The following CEP164 variants were observed in gnomAD, a reference collection of about 807,000 sequenced individuals.
The protein encoded by CEP164 is centrosomal protein of 164 kDa.
Under a neutral mutation model 182.7 loss-of-function variants are expected in CEP164, and 162 were observed. The observed-to-expected ratio is 0.89, with a 90% CI of 0.78 to 1.01. The LOEUF (loss-of-function observed/expected upper bound fraction) is 1.01, where lower values mean the gene tolerates loss of function less well. Among genes scored for constraint, CEP164 ranks in the 50% least tolerant of loss-of-function variants. CEP164 has a pLI of 0.00. For missense variants in CEP164, 1,735 were observed against 1,790.4 expected, an observed-to-expected ratio of 0.97 and a Z score of 0.56; for synonymous variants, 661 against 690.0, an observed-to-expected ratio of 0.96 and a Z score of 0.66.
intron 10 of CEP164, among the ~76,000 whole-genome samples, chr11:117,374,143 G>C (rs989745312): frequency 6.6e-6 from 1 of 152,114 alleles, no homozygotes; most frequent in Non-Finnish European, 1.5e-5. Context: ...TGAGTTGCCT[G>C]TGTGATCATG....
chr11:117,331,981 A>AATATGT (rs2036284250), intron 1 of CEP164, among the ~76,000 whole-genome samples: 1 of 142,286 alleles, frequency 7.0e-6, no homozygotes, highest in African/African-American at 2.6e-5. Flanking sequence ...ATGCCTGGCT[A>AATATGT]ATATATATAT....
chr11:117,350,061 C>T (rs1157244561), intron 4 of CEP164, among the ~76,000 whole-genome samples: 3 of 152,178 alleles, frequency 2.0e-5, no homozygotes, highest in Non-Finnish European at 2.9e-5. Flanking sequence ...GCATGAGCCA[C>T]CATGCCCGGC....
chr11:117,322,315 C>T (rs2035273162), intron 1 of CEP164, among the ~76,000 whole-genome samples: 1 of 152,044 alleles, frequency 6.6e-6, no homozygotes, highest in Non-Finnish European at 1.5e-5. Context: ...TGGGGTTTCA[C>T]CATGTTAGCC....
chr11:117,368,058 A>G (rs1324280111), intron 8 of CEP164, among the ~76,000 whole-genome samples: 1 of 152,240 alleles, frequency 6.6e-6, no homozygotes, highest in East Asian at 1.9e-4. Flanking sequence ...AGTTTGGTCA[A>G]CAAACCTTTA....
At position 117,409,001 on chromosome 11, in the gene CEP164, C is replaced by T. The variant is rs1463780469; in HGVS notation, c.3721C>T (p.His1241Tyr). ...AAGTTCTGAATCTTTTTCCCCGCCT[C>T]ACCGTGAGTGGTGGCGGCAGCAGAG... is the stretch of plus-strand genomic sequence containing the variant. ...SESSESFSPP[H>Y]REWWRQQRID... The change falls in exon 29 of 33, where the codon CAC (histidine) becomes TAC (tyrosine). Residue 1241 changes from histidine to tyrosine, a missense_variant. His to Tyr is a moderately conservative substitution (Grantham distance 83, BLOSUM62 2). Coordinates refer to ENST00000278935, the MANE Select transcript of CEP164 (RefSeq NM_014956.5). This position sits in a 1 kb window ranked among gnomAD's most constrained non-coding sequence, Gnocchi z 4.4. 1 of 1,614,064 alleles carries T rather than the reference C, an allele frequency of 6.2e-7. No individual in the cohort carries two copies.
At chr11:117,345,447 T>G (rs967889356) in intron 4 of CEP164, among the ~76,000 whole-genome samples, 5 of 152,198 alleles carry the variant, frequency 3.3e-5, no homozygotes, top group African/African-American at 1.2e-4. Context: ...GCCATGAATT[T>G]ACTTCCTACC....
intron 27 of CEP164, among the ~76,000 whole-genome samples, chr11:117,401,348 T>C (rs753998674): frequency 2.6e-5 from 4 of 152,230 alleles, no homozygotes; most frequent in African/African-American, 9.6e-5. Flanking sequence ...GACTTGATTG[T>C]GGTGGATAAG....
chr11:117,405,745 A>C (rs1298692372), intron 27 of CEP164, among the ~76,000 whole-genome samples: 1 of 152,164 alleles, frequency 6.6e-6, no homozygotes, highest in South Asian at 2.1e-4. Flanking sequence ...CTGCTTAGAA[A>C]TTTCTTCTGC....
At position 117,411,720 on chromosome 11, in the gene CEP164, T is replaced by C; in HGVS notation, c.4164-75T>C. On this transcript the variant is annotated intron_variant, in intron 31 of 32. Coordinates refer to ENST00000278935, the MANE Select transcript of CEP164 (RefSeq NM_014956.5). This position sits in a 1 kb window ranked among gnomAD's most constrained non-coding sequence, Gnocchi z 4.4. ...AGAAAGAGGGAGGAGGTGACAGATG[T>C]GATGGCCTCTGTGCATCCTCTGTCA... The C allele has an allele frequency of 6.3e-7, 1 of 1,582,058 alleles. No individual in the cohort carries two copies. Among genetic ancestry groups the C allele is most frequent in the Non-Finnish European group, 8.6e-7 (1 of 1,159,344 alleles).
chr11:117,356,092 G>A, intron 5 of CEP164: 3 of 1,071,742 alleles, frequency 2.8e-6, no homozygotes, highest in Non-Finnish European at 1.1e-6. Context: ...GGAACCTGCA[G>A]AGCTCACGGG....
chr11:117,404,725 T>C (rs1424642358), intron 27 of CEP164, among the ~76,000 whole-genome samples: 1 of 152,208 alleles, frequency 6.6e-6, no homozygotes, highest in Non-Finnish European at 1.5e-5. Flanking sequence ...CAGGCAGGAA[T>C]ATTTAAATCT....
At chr11:117,400,408 G>A (rs1428663649) in intron 27 of CEP164, among the ~76,000 whole-genome samples, 1 of 152,172 alleles carries the variant, frequency 6.6e-6, no homozygotes, top group African/African-American at 2.4e-5. Flanking sequence ...ATCATTTGAA[G>A]TCAGGTAGTA....
chr11:117,323,276 A>G (rs929417800), upstream of CEP164, among the ~76,000 whole-genome samples: 8 of 151,594 alleles, frequency 5.3e-5, no homozygotes, highest in Non-Finnish European at 1.2e-4. Flanking sequence ...TCAATCTGGT[A>G]ACCACTGTTC....
chr11:117,399,922 C>A (rs1014084059), intron 27 of CEP164, among the ~76,000 whole-genome samples: 2 of 152,110 alleles, frequency 1.3e-5, no homozygotes, highest in African/African-American at 4.8e-5. Context: ...AAAATTTTCT[C>A]CCATTCTGTA....
intron 5 of CEP164, 48 bp from the exon 6 acceptor site, chr11:117,361,787 G>C (rs1299587538): frequency 3.1e-6 from 5 of 1,608,638 alleles, no homozygotes; most frequent in Non-Finnish European, 4.3e-6. Flanking sequence ...GACACTCCCA[G>C]AGCCACCTGG....
In CEP164 at chr11:117,387,217, C is replaced by A. The variant is rs780181929; in HGVS notation, c.1739C>A (p.Pro580His). 1 of 1,614,168 alleles carries A rather than the reference C, an allele frequency of 6.2e-7. No individual in the cohort carries two copies. The highest frequency in any genetic ancestry group is 1.1e-5 in the South Asian group (1 of 91,090). Residue 580 changes from proline (P) to histidine (H), a missense_variant, in exon 15 of 33, where the codon CCT (proline) becomes CAT (histidine). Physicochemically the swap from Pro to His is moderately conservative, Grantham distance 77. Coordinates refer to ENST00000278935, the MANE Select transcript of CEP164 (RefSeq NM_014956.5). Reference protein sequence around the residue: ...PVSPEVRSTEPVAPPEQLSEA... With the variant: ...PVSPEVRSTEHVAPPEQLSEA... ...ACCCATGGTAGGCGATCCACAGAGC[C>A]TGTGGCTCCCCCAGAGCAGCTCTCA... is the stretch of plus-strand genomic sequence containing the variant.
chr11:117,354,034 T>TTG, intron 5 of CEP164, among the ~76,000 whole-genome samples: 1 of 151,748 alleles, frequency 6.6e-6, no homozygotes. Flanking sequence ...TTTTTTTTTT[T>TTG]GAGACAGCAT....
chr11:117,404,594 T>C (rs1050188050), intron 27 of CEP164, among the ~76,000 whole-genome samples: 2 of 152,224 alleles, frequency 1.3e-5, no homozygotes, highest in African/African-American at 4.8e-5. Flanking sequence ...TGTCGACCCC[T>C]GCTAGGCGGT....
At chr11:117,329,712 T>C (rs2035891898) in intron 1 of CEP164, among the ~76,000 whole-genome samples, 1 of 152,104 alleles carries the variant, frequency 6.6e-6, no homozygotes, top group African/African-American at 2.4e-5. Flanking sequence ...TGGCTAATTT[T>C]TTGTATTTTG....
Sources: gnomAD v4.1 joint callset for allele counts (sites outside exome capture counted in the v4.1 genomes callset) on GRCh38, gnomAD v4.1.1 for gene constraint, Gnocchi (gnomAD v3.1) non-coding constraint, MANE v1.5 for transcripts, NCBI Gene and HGNC (gene_info 2026-07-23, HGNC 2026-07-21) for gene names.